Variants in GRM7 observed in about 807,000 individuals in gnomAD.
The protein encoded by GRM7 is metabotropic glutamate receptor 7.
GRM7 carries 35 observed loss-of-function variants against 84.5 expected under a neutral mutation model. The ratio of observed to expected loss-of-function variants is 0.41; its 90% confidence interval spans 0.32 to 0.55. The LOEUF (loss-of-function observed/expected upper bound fraction) is 0.55, where lower values mean the gene tolerates loss of function less well. Ranked by LOEUF, GRM7 falls within the 20% of genes least tolerant of loss-of-function variation. The pLI is 0.19. For missense variants in GRM7, 1,003 were observed against 1,194.6 expected, an observed-to-expected ratio of 0.84 and a Z score of 2.36; for synonymous variants, 487 against 455.1, an observed-to-expected ratio of 1.07 and a Z score of -0.89.
chr3:7,136,295 A>AG (rs145272385), intron 1 of GRM7, among the ~76,000 whole-genome samples: 4,801 of 151,970 alleles, frequency 0.032, 98 homozygotes, highest in Non-Finnish European at 0.051. Context: ...CTGGTTCCTG[A>AG]GGGGAGAGGA....
intron 1 of GRM7, among the ~76,000 whole-genome samples, chr3:6,865,777 C>T (rs574107985): frequency 1.8e-4 from 27 of 152,066 alleles, no homozygotes; most frequent in Non-Finnish European, 3.7e-4. Context: ...TCTCTCTCTC[C>T]ATCGTAATCC....
intron 1 of GRM7, among the ~76,000 whole-genome samples, chr3:7,083,372 T>C (rs1698332988): frequency 6.6e-6 from 1 of 152,168 alleles, no homozygotes; most frequent in African/African-American, 2.4e-5. Flanking sequence ...TGTATAGTAC[T>C]ATTGCACACT....
chr3:7,195,402 C>G (rs944504207), intron 2 of GRM7, among the ~76,000 whole-genome samples: 21 of 152,034 alleles, frequency 1.4e-4, no homozygotes, highest in Admixed American at 4.6e-4. Flanking sequence ...AAGGTTGACA[C>G]AGATTTATTT....
chr3:7,348,573 T>A (rs1425345354), intron 4 of GRM7, among the ~76,000 whole-genome samples: 1 of 152,090 alleles, frequency 6.6e-6, no homozygotes, highest in East Asian at 1.9e-4. Context: ...GAAGTGTACA[T>A]CCATGATCAG....
chr3:7,405,552 C>T (rs982751635), intron 4 of GRM7, among the ~76,000 whole-genome samples: 9 of 152,112 alleles, frequency 5.9e-5, no homozygotes, highest in Admixed American at 5.9e-4. Flanking sequence ...ATTTACTATA[C>T]CTACTTCGGA....
rs142399610 is a variant in GRM7 at position 6,944,255 on chromosome 3, C to T, written c.519+82348C>T. Among the ~76,000 whole-genome samples the T allele has an allele frequency of 9.3e-3, 1,414 of 152,136 alleles. 24 individuals carry two copies. The highest frequency in any genetic ancestry group is 0.032 in the African/African-American group (1,313 of 41,552). On this transcript the variant is annotated intron_variant, in intron 1 of 9. Transcript: ENST00000357716. Reference sequence around the variant, plus strand: ...GAAAAGATATTCTTGTATTGTTCCTCATCTTAGAGAAAAGACTTTCAATCT... The same window carrying T: ...GAAAAGATATTCTTGTATTGTTCCTTATCTTAGAGAAAAGACTTTCAATCT...
chr3:7,488,230 G>T (rs1699393799), intron 7 of GRM7, among the ~76,000 whole-genome samples: 1 of 151,992 alleles, frequency 6.6e-6, no homozygotes, highest in Non-Finnish European at 1.5e-5. Context: ...GGACCCTTTG[G>T]GTTGATGCTA....
intron 1 of GRM7, among the ~76,000 whole-genome samples, chr3:6,948,008 C>T (rs1575052491): frequency 6.6e-6 from 1 of 152,080 alleles, no homozygotes; most frequent in Admixed American, 6.6e-5. Flanking sequence ...AAAACCAGCT[C>T]CTGGATTCAT....
chr3:7,642,617 G>A (rs1698417871), intron 8 of GRM7, among the ~76,000 whole-genome samples: 1 of 152,072 alleles, frequency 6.6e-6, no homozygotes, highest in Non-Finnish European at 1.5e-5. Flanking sequence ...TTCCATGCAC[G>A]CTTTAAATAA....
chr3:7,137,868 A>T (rs1234596727), intron 1 of GRM7, among the ~76,000 whole-genome samples: 2 of 152,116 alleles, frequency 1.3e-5, no homozygotes, highest in Admixed American at 1.3e-4. Flanking sequence ...TTAGCTAATA[A>T]GTCAAATTAC....
chr3:7,352,025 C>T (rs879434259), intron 4 of GRM7, among the ~76,000 whole-genome samples: 6 of 146,832 alleles, frequency 4.1e-5, no homozygotes, highest in Non-Finnish European at 8.9e-5. Context: ...GTCATTCGTT[C>T]ATTCTCTCTC....
At chr3:7,181,802 G>A (rs1030377721) in intron 2 of GRM7, among the ~76,000 whole-genome samples, 1 of 151,846 alleles carries the variant, frequency 6.6e-6, no homozygotes, top group Non-Finnish European at 1.5e-5. Flanking sequence ...TTGTGGAGAT[G>A]AGGTGACTAT....
chr3:7,665,154 G>A (rs1285257906), intron 8 of GRM7, among the ~76,000 whole-genome samples: 1 of 145,392 alleles, frequency 6.9e-6, no homozygotes, highest in Non-Finnish European at 1.5e-5. Flanking sequence ...TACGGAGAAT[G>A]TTTGCCCATG....
Position 7,165,168 on chromosome 3 carries a change from A to C in GRM7, c.736+18500A>C, listed in dbSNP as rs535938790. On this transcript the variant is annotated intron_variant, in intron 2 of 9. Coordinates refer to ENST00000357716, the MANE Select transcript of GRM7 (RefSeq NM_000844.4). ...AGTTTGTCTGTTTTCACTCTTCCTAACTTCCTCACCATCCGCAACTCTGTT... is the reference window on the plus strand; with the variant it reads ...AGTTTGTCTGTTTTCACTCTTCCTACCTTCCTCACCATCCGCAACTCTGTT... Among the ~76,000 whole-genome samples, 11 of 152,258 alleles carry C rather than the reference A, an allele frequency of 7.2e-5. No individual in the cohort carries two copies. In the South Asian group the frequency reaches 2.3e-3, roughly 32 times the overall value.
At chr3:7,591,404 A>T (rs527716809) in intron 8 of GRM7, 1 of 423,394 alleles carries the variant, frequency 2.4e-6, no homozygotes, top group Admixed American at 2.8e-5. Context: ...TGGGAAAACG[A>T]ATATTTTTAT....
At chr3:7,658,350 G>C (rs541721551) in intron 8 of GRM7, among the ~76,000 whole-genome samples, 8 of 152,152 alleles carry the variant, frequency 5.3e-5, no homozygotes, top group Admixed American at 4.6e-4. Flanking sequence ...AGATGATTGC[G>C]TGAAACTTGA....
intron 7 of GRM7, among the ~76,000 whole-genome samples, chr3:7,502,110 C>T (rs1448577682): frequency 6.6e-6 from 1 of 152,166 alleles, no homozygotes; most frequent in Non-Finnish European, 1.5e-5. Flanking sequence ...CTAAGCTTCA[C>T]TATCCTTATC....
At chr3:7,101,521 G>A (rs1699107606) in intron 1 of GRM7, among the ~76,000 whole-genome samples, 1 of 151,104 alleles carries the variant, frequency 6.6e-6, no homozygotes, top group Non-Finnish European at 1.5e-5. Context: ...CATTTATTTT[G>A]TACTCAGTTC....
At chr3:7,195,586 A>G (rs1261285458) in intron 2 of GRM7, among the ~76,000 whole-genome samples, 1 of 152,138 alleles carries the variant, frequency 6.6e-6, no homozygotes, top group African/African-American at 2.4e-5. Context: ...TGGCTTCAAA[A>G]GTGTTTTATT....
Sources: allele counts gnomAD v4.1 joint callset (sites outside exome capture counted in the v4.1 genomes callset), GRCh38; gene constraint gnomAD v4.1.1; transcripts MANE v1.5; gene names NCBI Gene and HGNC (gene_info 2026-07-23, HGNC 2026-07-21).